Variants in OSTF1 observed in about 807,000 individuals in gnomAD.
The protein encoded by OSTF1 is osteoclast stimulating factor 1.
In OSTF1, 27 loss-of-function variants were observed where a neutral mutation model predicts 37.2. That is an observed-to-expected ratio of 0.73 (90% confidence interval 0.54 to 1.00). The LOEUF (loss-of-function observed/expected upper bound fraction) is 1.00, where lower values mean the gene tolerates loss of function less well. Ranked by LOEUF, OSTF1 falls within the 50% of genes least tolerant of loss-of-function variation. The pLI, the probability that OSTF1 is intolerant of heterozygous loss-of-function variation, is 0.00. For missense variants in OSTF1, 232 were observed against 253.8 expected, an observed-to-expected ratio of 0.91 and a Z score of 0.58; for synonymous variants, 82 against 89.2, an observed-to-expected ratio of 0.92 and a Z score of 0.46.
At chr9:75,135,127 G>C (rs757480193) in intron 7 of OSTF1, among the ~76,000 whole-genome samples, 1 of 152,244 alleles carries the variant, frequency 6.6e-6, no homozygotes, top group Non-Finnish European at 1.5e-5. Context: ...CATTTTTCTG[G>C]ATCCCTTGTC....
intron 1 of OSTF1, among the ~76,000 whole-genome samples, chr9:75,093,687 C>T (rs1825022535): frequency 6.6e-6 from 1 of 152,092 alleles, no homozygotes; most frequent in Admixed American, 6.5e-5. Flanking sequence ...GCTTAAATAA[C>T]ATTTTTGAGA....
chr9:75,088,856 G>A (rs1824871061), intron 1 of OSTF1, 130 bp downstream of exon 1: 4 of 824,820 alleles, frequency 4.8e-6, no homozygotes, highest in South Asian at 4.4e-5. Flanking sequence ...CGGCCCCACC[G>A]GGATGGGCGC....
chr9:75,111,296 C>A (rs777745666), intron 1 of OSTF1, among the ~76,000 whole-genome samples: 1 of 152,146 alleles, frequency 6.6e-6, no homozygotes, highest in Non-Finnish European at 1.5e-5. Flanking sequence ...AACAGGGATT[C>A]ATTTATGGAA....
intron 1 of OSTF1, among the ~76,000 whole-genome samples, chr9:75,101,277 C>T (rs2118418994): frequency 6.6e-6 from 1 of 152,300 alleles, no homozygotes; most frequent in East Asian, 1.9e-4. Context: ...TCCAGGTCAC[C>T]AGGCAAGCCA....
intron 1 of OSTF1, among the ~76,000 whole-genome samples, chr9:75,114,947 A>G (rs541726370): frequency 6.6e-6 from 1 of 152,366 alleles, no homozygotes; most frequent in South Asian, 2.1e-4. Context: ...TGTATGTGCC[A>G]GGCACTGTGG....
chr9:75,132,962 TACACACACATAC>T (rs770460888), intron 5 of OSTF1, among the ~76,000 whole-genome samples: 23 of 97,702 alleles, frequency 2.4e-4, no homozygotes, highest in Non-Finnish European at 3.4e-4. Flanking sequence ...TATATACACA[TACACACACATAC>T]ACACACACAC....
At chr9:75,134,914 A>G (rs561481754) in intron 7 of OSTF1, among the ~76,000 whole-genome samples, 2 of 152,044 alleles carry the variant, frequency 1.3e-5, no homozygotes, top group African/African-American at 4.8e-5. Context: ...TTGTTATCTC[A>G]CTGTGACTTC....
At chr9:75,095,765 C>T (rs998566267) in intron 1 of OSTF1, among the ~76,000 whole-genome samples, 4 of 152,212 alleles carry the variant, frequency 2.6e-5, no homozygotes, top group East Asian at 3.8e-4. Context: ...CGTCAGCCCT[C>T]TTCACAGATT....
intron 3 of OSTF1, among the ~76,000 whole-genome samples, 167 bp downstream of exon 3, chr9:75,127,786 T>C (rs925487324): frequency 6.6e-6 from 1 of 151,976 alleles, no homozygotes; most frequent in African/African-American, 2.4e-5. Context: ...CTTATTTCCA[T>C]CAATAGGGAA....
In OSTF1 at chr9:75,145,041, T is replaced by G. The variant is rs1825998225; in HGVS notation, c.587-1642T>G. Among the ~76,000 whole-genome samples, 4 of 152,346 alleles carry G rather than the reference T, an allele frequency of 2.6e-5. No individual in the cohort carries two copies. In the South Asian group the frequency reaches 8.3e-4, roughly 32 times the overall value. On this transcript the variant is annotated intron_variant, in intron 9 of 9. Transcript: ENST00000346234. ...GTTATTTGTCATGTTCCTCTGTCCTTTATGTTTTTGTCAATTAGTGTTAGA... is the reference window on the plus strand; with the variant it reads ...GTTATTTGTCATGTTCCTCTGTCCTGTATGTTTTTGTCAATTAGTGTTAGA...
Position 75,138,073 on chromosome 9 carries a change from G to A in OSTF1, c.487+457G>A, listed in dbSNP as rs1416848963. Among the ~76,000 whole-genome samples the A allele has an allele frequency of 2.6e-5, 4 of 152,154 alleles. No homozygotes were observed. In the East Asian group the frequency reaches 7.7e-4, roughly 29 times the overall value. ...AGCAGGTGCTAGATGTAAAGTGAAC[G>A]AGAGAGGATATCTTGATCCCCTGTT... On this transcript the variant is annotated intron_variant, in intron 8 of 9. Transcript: ENST00000346234.
At chr9:75,126,417 A>G (rs1302322084) in intron 2 of OSTF1, among the ~76,000 whole-genome samples, 1 of 151,920 alleles carries the variant, frequency 6.6e-6, no homozygotes, top group East Asian at 1.9e-4. Context: ...TGTGTCCTAC[A>G]TTTTTCATCC....
rs1354686286 is a variant in OSTF1 at position 75,088,697 on chromosome 9, C to T, written c.5C>T (p.Ser2Leu). Residue 2 changes from serine to leucine, a missense_variant, in exon 1 of 10, where the codon TCG becomes TTG. Coordinates refer to ENST00000346234, the MANE Select transcript of OSTF1 (RefSeq NM_012383.5). ...TTTGCAGCTCCAGGAAGCGAGATGTCGAAGCCGCCACCCAAACCAGTCAAA... is the reference window on the plus strand; with the variant it reads ...TTTGCAGCTCCAGGAAGCGAGATGTTGAAGCCGCCACCCAAACCAGTCAAA... M[S>L]KPPPKPVKPG... 6.2e-7 allele frequency: 1 copy of T among 1,608,790 alleles called. No homozygotes were observed. Among genetic ancestry groups the T allele is most frequent in the Non-Finnish European group, 8.5e-7 (1 of 1,177,510 alleles).
intron 2 of OSTF1, among the ~76,000 whole-genome samples, chr9:75,118,697 T>G (rs1019717073): frequency 6.6e-6 from 1 of 152,112 alleles, no homozygotes; most frequent in African/African-American, 2.4e-5. Flanking sequence ...AAGGCATGTC[T>G]TACATGGCAG....
At chr9:75,101,229 C>T (rs11144228) in intron 1 of OSTF1, among the ~76,000 whole-genome samples, 38,890 of 151,918 alleles carry the variant, frequency 0.26, 5,167 homozygotes, top group African/African-American at 0.33. Flanking sequence ...GGAGTCAGGG[C>T]GTCAGGTCAG....
rs1442048683 is a variant in OSTF1, at chr9:75,095,920, C to T, written c.34+7194C>T. On this transcript the variant is annotated intron_variant, in intron 1 of 9. Coordinates refer to ENST00000346234, the MANE Select transcript of OSTF1 (RefSeq NM_012383.5). ...CCTTTTTTTTTTTTTGAGATGGAGT[C>T]TTGCTCTGTCGCCCAGGCTGGAGTG... Among the ~76,000 whole-genome samples, 3 of 150,152 alleles carry T rather than the reference C, an allele frequency of 2.0e-5. No homozygotes were observed. In the East Asian group the frequency reaches 5.9e-4, roughly 29 times the overall value.
chr9:75,117,577 A>C, intron 2 of OSTF1, 27 bp downstream of exon 2: 1 of 1,523,322 alleles, frequency 6.6e-7, no homozygotes. Context: ...TAACTTCTAA[A>C]ATTGACAGAA....
Position 75,134,372 on chromosome 9 carries a change from C to T in OSTF1, c.385C>T (p.Pro129Ser). Residue 129 changes from proline to serine, a missense_variant, in exon 7 of 10, where the codon CCA (proline) becomes TCA (serine). Coordinates refer to ENST00000346234, the MANE Select transcript of OSTF1 (RefSeq NM_012383.5). ...KDIVEMLFTQ[P>S]NIELNQQNKL... ...TATAGTGGAAATGCTATTTACTCAA[C>T]CAAATATTGAACTGAACCAGCAGGT... The T allele has an allele frequency of 1.3e-6, 2 of 1,569,900 alleles. No homozygotes were observed. The highest frequency in any genetic ancestry group is 1.7e-6 in the Non-Finnish European group (2 of 1,145,268).
At chr9:75,093,224 G>A (rs541277796) in intron 1 of OSTF1, among the ~76,000 whole-genome samples, 44 of 151,946 alleles carry the variant, frequency 2.9e-4, no homozygotes, top group African/African-American at 1.0e-3. Flanking sequence ...TTTTCTGAAT[G>A]AGTACAACCT....
Sources: gnomAD v4.1 joint callset for allele counts (sites outside exome capture counted in the v4.1 genomes callset) on GRCh38, gnomAD v4.1.1 for gene constraint, MANE v1.5 for transcripts, NCBI Gene and HGNC (gene_info 2026-07-23, HGNC 2026-07-21) for gene names.